PKIB: variants seen among roughly 807,000 people sequenced by gnomAD.
PKIB encodes the protein cAMP-dependent protein kinase inhibitor beta.
In PKIB, 2 loss-of-function variants were observed where a neutral mutation model predicts 4.5. The observed-to-expected ratio is 0.44, with a 90% CI of 0.18 to 1.39. The LOEUF is 1.39. Ranked by LOEUF, PKIB falls within the 40% of genes most tolerant of loss-of-function variation. The pLI, the probability that PKIB is intolerant of heterozygous loss-of-function variation, is 0.27. For synonymous variants in PKIB, 38 were observed against 36.0 expected, an observed-to-expected ratio of 1.06 and a Z score of -0.20; for missense variants, 94 against 92.6, an observed-to-expected ratio of 1.02 and a Z score of -0.06.
rs1185633600 is a variant in PKIB, at chr6:122,478,288, T to G, written c.-248+349T>G. ...ATTTTCTGCCTTAGCTGGCCTGACT[T>G]ACTTGTATTTTGTGGCAGAATCCAG... On this transcript the variant is annotated intron_variant, in intron 2 of 6. Transcript: ENST00000392491. 9 of 152,052 alleles carry G rather than the reference T, an allele frequency of 5.9e-5. 1 individual carries two copies. Among genetic ancestry groups the G allele is most frequent in the Non-Finnish European group, 1.5e-5 (1 of 67,994 alleles). The allele number at this position is 152,052 out of a possible 1,614,324, so 9.4% of individuals were successfully genotyped here.
chr6:122,565,410 A>T (rs190055341), intron 2 of PKIB, among the ~76,000 whole-genome samples: 1 of 152,282 alleles, frequency 6.6e-6, no homozygotes, highest in Admixed American at 6.5e-5. Flanking sequence ...GCTCATGGTT[A>T]TTTGAATCTC....
intron 2 of PKIB, among the ~76,000 whole-genome samples, chr6:122,540,049 C>T (rs373175647): frequency 2.9e-4 from 44 of 151,636 alleles, no homozygotes; most frequent in Non-Finnish European, 1.3e-4. Flanking sequence ...TTTTTTATTG[C>T]GTCTATTTGA....
chr6:122,691,418 C>A (rs1215043743), intron 3 of PKIB, among the ~76,000 whole-genome samples: 1 of 152,036 alleles, frequency 6.6e-6, no homozygotes, highest in Non-Finnish European at 1.5e-5. Context: ...TTTCAGATAA[C>A]TTGTCTTCAA....
At chr6:122,649,913 C>A (rs1338277030) in intron 2 of PKIB, among the ~76,000 whole-genome samples, 1 of 152,282 alleles carries the variant, frequency 6.6e-6, no homozygotes, top group Non-Finnish European at 1.5e-5. Context: ...CTTCAAGCAC[C>A]ATCACCGGAT....
At chr6:122,658,019 T>C (rs903728831) in intron 2 of PKIB, among the ~76,000 whole-genome samples, 3 of 152,196 alleles carry the variant, frequency 2.0e-5, no homozygotes, top group Non-Finnish European at 4.4e-5. Context: ...TTGATTAAGA[T>C]ATACACTAAA....
At chr6:122,520,697 T>G (rs1776915724) in intron 2 of PKIB, among the ~76,000 whole-genome samples, 1 of 131,770 alleles carries the variant, frequency 7.6e-6, no homozygotes. Context: ...ATTAGTTTGA[T>G]GCAAACAAAT....
At chr6:122,524,078 T>C (rs531212783) in intron 2 of PKIB, among the ~76,000 whole-genome samples, 1 of 152,284 alleles carries the variant, frequency 6.6e-6, no homozygotes, top group South Asian at 2.1e-4. Flanking sequence ...TCAGGGATAT[T>C]GATCTATAGA....
At chr6:122,537,056 T>A (rs1483771537) in intron 2 of PKIB, among the ~76,000 whole-genome samples, 1 of 152,084 alleles carries the variant, frequency 6.6e-6, no homozygotes, top group Non-Finnish European at 1.5e-5. Flanking sequence ...CTGTGGATGC[T>A]GGTAAATTTT....
At chr6:122,690,360 T>A (rs1391739832) in intron 3 of PKIB, among the ~76,000 whole-genome samples, 1 of 152,104 alleles carries the variant, frequency 6.6e-6, no homozygotes, top group South Asian at 2.1e-4. Flanking sequence ...GATGATTTTC[T>A]CTGGTGGCAT....
chr6:122,476,768 T>C (rs1340258491), intron 1 of PKIB, among the ~76,000 whole-genome samples: 1 of 152,198 alleles, frequency 6.6e-6, no homozygotes, highest in Non-Finnish European at 1.5e-5. Flanking sequence ...AAATGACATT[T>C]CTAAAACATT....
chr6:122,494,180 A>G (rs1296031036), intron 2 of PKIB, among the ~76,000 whole-genome samples: 2 of 152,202 alleles, frequency 1.3e-5, no homozygotes, highest in Non-Finnish European at 2.9e-5. Context: ...TCCAAACACC[A>G]AAAGTTCAGA....
chr6:122,665,211 C>T (rs1777170709), intron 2 of PKIB, among the ~76,000 whole-genome samples: 1 of 152,088 alleles, frequency 6.6e-6, no homozygotes, highest in African/African-American at 2.4e-5. Flanking sequence ...AGTAGGAAAA[C>T]CAGAAGTGAA....
chr6:122,576,867 T>C (rs1773558460), intron 2 of PKIB, among the ~76,000 whole-genome samples: 1 of 151,634 alleles, frequency 6.6e-6, no homozygotes, highest in Admixed American at 6.6e-5. Context: ...TGTGTGTAAT[T>C]AAACAAATTG....
chr6:122,586,613 T>C (rs938660891), intron 3 of PKIB, among the ~76,000 whole-genome samples: 1 of 152,166 alleles, frequency 6.6e-6, no homozygotes, highest in African/African-American at 2.4e-5. Flanking sequence ...GAGTATTAAA[T>C]TCACCAAAGT....
chr6:122,674,089 G>T (rs796131903), intron 2 of PKIB, among the ~76,000 whole-genome samples: 3 of 152,286 alleles, frequency 2.0e-5, no homozygotes, highest in African/African-American at 7.2e-5. Context: ...AGAGTTTTAG[G>T]ATTGGTGGAG....
intron 2 of PKIB, among the ~76,000 whole-genome samples, chr6:122,672,142 A>G (rs1429281660): frequency 1.3e-5 from 2 of 152,104 alleles, no homozygotes; most frequent in Non-Finnish European, 2.9e-5. Context: ...CTCTTGTTCC[A>G]TCTCCAGCCT....
At chr6:122,711,718 TG>T (rs1317416563) in intron 3 of PKIB, among the ~76,000 whole-genome samples, 2 of 152,200 alleles carry the variant, frequency 1.3e-5, no homozygotes, top group Non-Finnish European at 2.9e-5. Context: ...AGTGGCCTTA[TG>T]TTAGTATAAG....
At chr6:122,524,113 T>C (rs1195386511) in intron 2 of PKIB, among the ~76,000 whole-genome samples, 1 of 151,872 alleles carries the variant, frequency 6.6e-6, no homozygotes, top group East Asian at 1.9e-4. Context: ...TTCTCTCTTC[T>C]TCCTTCTTCC....
In PKIB at chr6:122,597,019, C is replaced by T. The variant is rs113504021; in HGVS notation, c.-161+11012C>T. Among the ~76,000 whole-genome samples, 834 of 152,292 alleles carry T rather than the reference C, an allele frequency of 5.5e-3. 7 individuals are homozygous for T. Among genetic ancestry groups the T allele is most frequent in the African/African-American group, 0.018 (758 of 41,568 alleles). ...TTTTGGGAGGGGCCAAATGCAGCAACTTATCCTTCACTTTAGAAAGAATAT... is the reference window on the plus strand; with the variant it reads ...TTTTGGGAGGGGCCAAATGCAGCAATTTATCCTTCACTTTAGAAAGAATAT... On this transcript the variant is annotated intron_variant, in intron 3 of 6. Coordinates refer to the PKIB transcript ENST00000392491.
Sources: allele counts gnomAD v4.1 joint callset (sites outside exome capture counted in the v4.1 genomes callset), GRCh38; gene constraint gnomAD v4.1.1; transcripts MANE v1.5; gene names NCBI Gene and HGNC (gene_info 2026-07-23, HGNC 2026-07-21).